Variants in DYNC2H1 observed in about 807,000 individuals in gnomAD.
DYNC2H1 encodes the protein cytoplasmic dynein 2 heavy chain 1.
Under a neutral mutation model 570.0 loss-of-function variants are expected in DYNC2H1, and 410 were observed. That is an observed-to-expected ratio of 0.72 (90% CI 0.66 to 0.78). The LOEUF (loss-of-function observed/expected upper bound fraction) is 0.78, where lower values mean the gene tolerates loss of function less well. DYNC2H1 is among the 30% of genes least tolerant of loss of function. DYNC2H1 has a pLI of 0.00. For missense variants in DYNC2H1, 4,865 were observed against 5,046.4 expected (o/e 0.96, Z 1.09); for synonymous variants, 1,688 against 1,677.6 (o/e 1.01, Z -0.15).
At chr11:103,328,857 A>C (rs1421937373) in intron 82 of DYNC2H1, among the ~76,000 whole-genome samples, 1 of 152,210 alleles carries the variant, frequency 6.6e-6, no homozygotes, top group Non-Finnish European at 1.5e-5. Flanking sequence ...TAGGGATGTT[A>C]CATTAACCAA....
At chr11:103,352,264 C>A (rs1591619153) in intron 82 of DYNC2H1, among the ~76,000 whole-genome samples, 1 of 151,646 alleles carries the variant, frequency 6.6e-6, no homozygotes. Flanking sequence ...ATTTTGTTTC[C>A]CCTTATTGTT....
chr11:103,226,222 T>C (rs904247191), intron 59 of DYNC2H1, among the ~76,000 whole-genome samples: 6 of 152,202 alleles, frequency 3.9e-5, no homozygotes, highest in Admixed American at 1.3e-4. Flanking sequence ...CTTGTCTGAT[T>C]GTTCTGGCTA....
At chr11:103,464,172 A>G (rs1181456560) in intron 87 of DYNC2H1, among the ~76,000 whole-genome samples, 2 of 152,248 alleles carry the variant, frequency 1.3e-5, no homozygotes. Context: ...CCTTGAACAG[A>G]TACATGAAGG....
intron 13 of DYNC2H1, among the ~76,000 whole-genome samples, chr11:103,131,308 T>C (rs1317276619): frequency 6.6e-6 from 1 of 152,164 alleles, no homozygotes; most frequent in African/African-American, 2.4e-5. Context: ...ATTCTTTTTT[T>C]TTTGAGATGG....
intron 59 of DYNC2H1, among the ~76,000 whole-genome samples, chr11:103,223,677 C>T (rs968539642): frequency 2.0e-5 from 3 of 151,760 alleles, no homozygotes; most frequent in Non-Finnish European, 4.4e-5. Flanking sequence ...TGGACCACCA[C>T]GCCTGGCCAA....
chr11:103,308,159 C>G (rs951958685), intron 78 of DYNC2H1, among the ~76,000 whole-genome samples: 5 of 152,138 alleles, frequency 3.3e-5, no homozygotes, highest in African/African-American at 1.2e-4. Context: ...AATTGAAACT[C>G]TATGACCATT....
At chr11:103,423,408 T>TAAAAAAA (rs60223334) in intron 84 of DYNC2H1, among the ~76,000 whole-genome samples, 2 of 120,430 alleles carry the variant, frequency 1.7e-5, no homozygotes, top group Non-Finnish European at 1.9e-5. Context: ...GCCAAAAAAG[T>TAAAAAAA]AAAAAAAAAA....
chr11:103,316,590 G>T lies in DYNC2H1; in HGVS notation c.11695G>T (p.Gly3899Trp). 6.4e-7 allele frequency: 1 copy of T among 1,557,708 alleles called. No homozygotes were observed. The highest frequency in any genetic ancestry group is 1.2e-5 in the South Asian group (1 of 80,164). ...YEFSLSDLRA[G>W]YNIIDRLFDG... ...ATTTTCTTTATCAGATCTTCGGGCT[G>T]GGTACAACATTATTGACAGACTTTT... Residue 3899 changes from glycine (G) to tryptophan (W), a missense_variant, in exon 80 of 89, where the codon GGG (glycine) becomes TGG (tryptophan). Physicochemically the swap from Gly to Trp is radical, Grantham distance 184. This residue lies in a region of DYNC2H1 where 2,401 missense variants were observed against 2,454.6 expected (regional missense o/e 0.98). Transcript: ENST00000375735.
At chr11:103,292,566 C>A (rs1331656858) in intron 75 of DYNC2H1, among the ~76,000 whole-genome samples, 5 of 152,156 alleles carry the variant, frequency 3.3e-5, no homozygotes, top group Non-Finnish European at 7.3e-5. Flanking sequence ...CCTAGCAAAT[C>A]TCATGTTGAA....
intron 82 of DYNC2H1, among the ~76,000 whole-genome samples, chr11:103,354,713 T>C (rs772814951): frequency 2.0e-4 from 31 of 152,152 alleles, no homozygotes; most frequent in Non-Finnish European, 3.7e-4. Flanking sequence ...AATGCTAGGT[T>C]GACAGTCTTT....
chr11:103,148,645 T>G, intron 20 of DYNC2H1, 28 bp downstream of exon 20: 1 of 1,539,780 alleles, frequency 6.5e-7, no homozygotes, highest in Non-Finnish European at 8.7e-7. Flanking sequence ...AAATTATTAT[T>G]ATTACTTTTT....
At chr11:103,302,016 A>C (rs1456065725) in intron 75 of DYNC2H1, among the ~76,000 whole-genome samples, 6 of 152,028 alleles carry the variant, frequency 3.9e-5, no homozygotes, top group African/African-American at 7.2e-5. Flanking sequence ...AATTGACATG[A>C]GCCTTTTCAG....
intron 83 of DYNC2H1, among the ~76,000 whole-genome samples, chr11:103,368,495 C>T (rs984485758): frequency 1.3e-5 from 2 of 151,924 alleles, no homozygotes; most frequent in African/African-American, 4.8e-5. Flanking sequence ...ATATTAACCC[C>T]TAATTAGATG....
At chr11:103,287,681 A>C (rs1866404719) in intron 75 of DYNC2H1, 76 bp downstream of exon 75, 2 of 1,214,864 alleles carry the variant, frequency 1.6e-6, no homozygotes, top group Non-Finnish European at 2.3e-6. Flanking sequence ...ATTTTATGTT[A>C]GCCTGAGTTT....
rs930005778 is a variant in DYNC2H1 at position 103,472,030 on chromosome 11, T to A, written c.12765+3325T>A. 6.6e-6 allele frequency among the ~76,000 whole-genome samples: 1 copy of A among 152,132 alleles called. No individual in the cohort carries two copies. The highest frequency in any genetic ancestry group is 1.5e-5 in the Non-Finnish European group (1 of 68,018). On this transcript the variant is annotated intron_variant, in intron 88 of 88. Coordinates refer to ENST00000375735, the MANE Select transcript of DYNC2H1 (RefSeq NM_001377.3). The surrounding 1 kb of genome is among the most constrained non-coding windows in gnomAD (Gnocchi z 4.1). Reference sequence around the variant, plus strand: ...GGTAACAAGGCATTCCAGACAGAAGTAGCAGCATATGTAAATATATGCAGA... The same window carrying A: ...GGTAACAAGGCATTCCAGACAGAAGAAGCAGCATATGTAAATATATGCAGA...
chr11:103,154,890 T>G, intron 24 of DYNC2H1, 81 bp downstream of exon 24: 1 of 997,786 alleles, frequency 1.0e-6, no homozygotes, highest in Non-Finnish European at 1.4e-6. Context: ...TATATAATTT[T>G]ACTTTATATG....
chr11:103,178,465 C>A (rs1368805890), intron 38 of DYNC2H1, among the ~76,000 whole-genome samples: 1 of 152,042 alleles, frequency 6.6e-6, no homozygotes, highest in African/African-American at 2.4e-5. Context: ...ATTTCTAACA[C>A]TTTTATCAGT....
chr11:103,345,169 G>A (rs900921979), intron 82 of DYNC2H1, among the ~76,000 whole-genome samples: 5 of 152,034 alleles, frequency 3.3e-5, no homozygotes, highest in East Asian at 1.9e-4. Flanking sequence ...TCATTATTGT[G>A]GTTGGTTTGG....
chr11:103,290,737 T>G (rs1328316350), intron 75 of DYNC2H1, among the ~76,000 whole-genome samples: 1 of 152,198 alleles, frequency 6.6e-6, no homozygotes, highest in Non-Finnish European at 1.5e-5. Flanking sequence ...TCTCTCTTCC[T>G]CTCTTGTTGC....
Sources: gnomAD v4.1 joint callset for allele counts (sites outside exome capture counted in the v4.1 genomes callset) on GRCh38, gnomAD v4.1.1 for gene constraint, gnomAD v4.1.1 regional missense constraint, Gnocchi (gnomAD v3.1) non-coding constraint, MANE v1.5 for transcripts, NCBI Gene and HGNC (gene_info 2026-07-23, HGNC 2026-07-21) for gene names.